Variants in HEATR6 observed in about 807,000 individuals in gnomAD.
The protein encoded by HEATR6 is HEAT repeat containing 6.
A neutral mutation model predicts 132.8 loss-of-function variants in HEATR6; 106 were observed. The ratio of observed to expected loss-of-function variants is 0.80; its 90% CI spans 0.68 to 0.94. The LOEUF is 0.94. Ranked by LOEUF, HEATR6 falls within the 40% of genes least tolerant of loss-of-function variation. The probability of loss-of-function intolerance (pLI) is 0.00; values close to 1 mark genes in which losing one functional copy is unlikely to be tolerated. For synonymous variants in HEATR6, 529 were observed against 537.8 expected, an observed-to-expected ratio of 0.98 and a Z score of 0.23; for missense variants, 1,339 against 1,425.1, an observed-to-expected ratio of 0.94 and a Z score of 0.97.
chr17:60,055,979 T>A (rs1906731547), intron 13 of HEATR6, 136 bp downstream of exon 13: 1 of 1,072,850 alleles, frequency 9.3e-7, no homozygotes, highest in Non-Finnish European at 1.3e-6. Context: ...ACCTGAAATC[T>A]CTTTAAGAAA....
At position 60,048,982 on chromosome 17, in the gene HEATR6, TAATA is replaced by T. The variant is rs1174439308; in HGVS notation, c.2547+594_2548-595del. ...ATTAAAAATAAATAACATATATATA[TAATA>T]TATATATATATATATATATATATAT... On this transcript the variant is annotated intron_variant, in intron 16 of 19. Coordinates refer to ENST00000184956, the MANE Select transcript of HEATR6 (RefSeq NM_022070.5). Among the ~76,000 whole-genome samples the T allele has an allele frequency of 1.1e-4, 6 of 53,326 alleles. No individual in the cohort carries two copies. The East Asian group carries it at 3.1e-3, about 28-fold the overall frequency. 35.0% of individuals were successfully genotyped at this position (53,326 alleles called of 152,430 possible).
intron 6 of HEATR6, among the ~76,000 whole-genome samples, chr17:60,070,210 C>T (rs1172189788): frequency 6.6e-6 from 1 of 152,148 alleles, no homozygotes; most frequent in Admixed American, 6.5e-5. Context: ...AGCTATCTCT[C>T]TATTTGATGT....
intron 11 of HEATR6, among the ~76,000 whole-genome samples, 175 bp downstream of exon 11, chr17:60,059,247 G>A (rs1906853333): frequency 6.6e-6 from 1 of 152,172 alleles, no homozygotes; most frequent in Non-Finnish European, 1.5e-5. Flanking sequence ...TGGGACTTGA[G>A]GGGTCAATTC....
chr17:60,071,753 A>G (rs919011574), intron 5 of HEATR6, among the ~76,000 whole-genome samples: 4 of 152,256 alleles, frequency 2.6e-5, no homozygotes, highest in Non-Finnish European at 5.9e-5. Flanking sequence ...ACACAGCACA[A>G]ATTGTCTTCA....
rs780904459 is a variant in HEATR6, at chr17:60,044,056, A to C, written c.3053T>G (p.Ile1018Ser). ...GACGGAAAGGGCAGCTGCAGATCTG[A>C]TGCGCACTTTGAAGTTCTTGCATGA... ...VTSCKNFKVR[I>S]RSAAALSVPG... Residue 1018 changes from isoleucine to serine, a missense_variant, in exon 20 of 20, where the codon ATC becomes AGC. Ile to Ser is a moderately radical substitution (Grantham distance 142). Coordinates refer to ENST00000184956, the MANE Select transcript of HEATR6 (RefSeq NM_022070.5). The C allele has an allele frequency of 5.0e-6, 8 of 1,614,070 alleles. No individual in the cohort carries two copies. Among genetic ancestry groups the C allele is most frequent in the Middle Eastern group, 3.3e-4 (2 of 6,084 alleles).
At chr17:60,045,895 G>T (rs2145178308) in intron 19 of HEATR6, 130 bp downstream of exon 19, 1 of 660,790 alleles carries the variant, frequency 1.5e-6, no homozygotes, top group Admixed American at 2.6e-5. Context: ...CCCTAAACTT[G>T]TCTTCAGTAT....
rs765767873 is a variant in HEATR6, at chr17:60,076,235, G to A, written c.222C>T (p.Asp74=). 1.5e-5 allele frequency: 24 copies of A among 1,574,532 alleles called. 1 individual carries two copies. The highest frequency in any genetic ancestry group is 5.6e-5 in the South Asian group (5 of 88,954). The change falls in exon 2 of 20, where the codon GAC becomes GAT. Residue 74 remains aspartate (D), a splice_region_variant and synonymous_variant. Coordinates refer to ENST00000184956, the MANE Select transcript of HEATR6 (RefSeq NM_022070.5). ...AAGCCTGGACAAGAAGAGCACTAAC[G>A]TCCTACCAAAAAAAAAAAGATAAGA... ...YSEGSGVAPE[D]VSALLVQACR...
intron 9 of HEATR6, among the ~76,000 whole-genome samples, chr17:60,062,561 T>C (rs547549284): frequency 2.0e-5 from 3 of 152,228 alleles, no homozygotes; most frequent in Non-Finnish European, 2.9e-5. Context: ...TCTCAGAATA[T>C]TTCTGGAAGG....
At chr17:60,068,682 CA>C (rs1435161195) in intron 7 of HEATR6, among the ~76,000 whole-genome samples, 1 of 151,710 alleles carries the variant, frequency 6.6e-6, no homozygotes, top group Non-Finnish European at 1.5e-5. Context: ...TATATACTCT[CA>C]TTCTCTATGT....
intron 9 of HEATR6, chr17:60,063,880 T>C (rs1334464504): frequency 6.6e-6 from 1 of 152,228 alleles, no homozygotes; most frequent in African/African-American, 2.4e-5. Flanking sequence ...AAGGAGCACC[T>C]GAGATGACCA....
At position 60,056,185 on chromosome 17, in the gene HEATR6, A is replaced by G. The variant is rs1906738891; in HGVS notation, c.2132T>C (p.Met711Thr). Residue 711 changes from methionine to threonine, a missense_variant, in exon 13 of 20, where the codon ATG becomes ACG. By Grantham distance (81) the Met-to-Thr change is moderately conservative (BLOSUM62 -1). Coordinates refer to ENST00000184956, the MANE Select transcript of HEATR6 (RefSeq NM_022070.5). ...CTTGCAAATCACCTCTCCAAGCTCC[A>G]TCAAGTAGGCTTGAGTCATTGAAAA... ...GYFSMTQAYLMELGEVICKCM... is the reference protein window; with the variant it reads ...GYFSMTQAYLTELGEVICKCM... 2 of 1,613,952 alleles carry G rather than the reference A, an allele frequency of 1.2e-6. No individual in the cohort carries two copies. Among genetic ancestry groups the G allele is most frequent in the African/African-American group, 1.3e-5 (1 of 74,934 alleles).
chr17:60,065,795 T>G (rs1164621613), intron 9 of HEATR6, among the ~76,000 whole-genome samples: 1 of 152,236 alleles, frequency 6.6e-6, no homozygotes, highest in East Asian at 1.9e-4. Flanking sequence ...TTTTGGGCAT[T>G]TTTCTAAGCC....
chr17:60,053,599 T>C (rs886961678), intron 14 of HEATR6, among the ~76,000 whole-genome samples: 9 of 152,130 alleles, frequency 5.9e-5, no homozygotes, highest in African/African-American at 1.9e-4. Flanking sequence ...CTGATAGAAA[T>C]ATGGAGAGTG....
chr17:60,067,491 A>T lies in HEATR6; in HGVS notation c.1181T>A (p.Val394Asp). Reference sequence around the variant, plus strand: ...AGAAAAGTCTGACTCACTACTGCTGACCCTTTTCCAACTGGAAGAACTGAA... The same window carrying T: ...AGAAAAGTCTGACTCACTACTGCTGTCCCTTTTCCAACTGGAAGAACTGAA... The part of the protein sequence containing the change: ...SSFSSSSWKR[V>D]SSSESDFSDA... The change falls in exon 8 of 20, where the codon GTC becomes GAC. Residue 394 changes from valine (V) to aspartate (D), a missense_variant. Transcript: ENST00000184956. The T allele has an allele frequency of 1.9e-6, 3 of 1,604,460 alleles. No homozygotes were observed. The highest frequency in any genetic ancestry group is 2.6e-6 in the Non-Finnish European group (3 of 1,176,448).
At chr17:60,075,900 G>A (rs1450073121) in intron 2 of HEATR6, 1 of 298,246 alleles carries the variant, frequency 3.4e-6, no homozygotes, top group East Asian at 6.0e-5. Context: ...TTGGTTTACT[G>A]AACCAAACAG....
At chr17:60,073,923 T>G (rs1388158548) in intron 2 of HEATR6, 37 bp from the exon 3 acceptor site, 2 of 1,596,410 alleles carry the variant, frequency 1.3e-6, no homozygotes, top group African/African-American at 1.4e-5. Context: ...TGATCTAACT[T>G]TTAAAAAATA....
chr17:60,076,076 T>C lies in HEATR6; in HGVS notation c.327+54A>G, dbSNP rs981224854. ...CTACAGATGTAGTATTTCAAAGGTA[T>C]TTACTTACTCTCAAAGTTCATGATC... On this transcript the variant is annotated intron_variant, in intron 2 of 19. Coordinates refer to ENST00000184956, the MANE Select transcript of HEATR6 (RefSeq NM_022070.5). The C allele has an allele frequency of 3.5e-5, 37 of 1,060,706 alleles. No homozygotes were observed. The African/African-American group carries it at 5.4e-4, about 16-fold the overall frequency. 65.7% of individuals were successfully genotyped at this position (1,060,706 alleles called of 1,614,324 possible).
At chr17:60,055,965 C>G in intron 13 of HEATR6, 150 bp downstream of exon 13, 1 of 926,622 alleles carries the variant, frequency 1.1e-6, no homozygotes, top group Non-Finnish European at 1.6e-6. Context: ...TGCATGTCCT[C>G]CTTACCTGAA....
intron 11 of HEATR6, among the ~76,000 whole-genome samples, chr17:60,058,492 T>C (rs1906826464): frequency 6.6e-6 from 1 of 152,206 alleles, no homozygotes; most frequent in Non-Finnish European, 1.5e-5. Context: ...GCAGGGGTTG[T>C]TCTCATCTTA....
Sources: gnomAD v4.1 joint callset for allele counts (sites outside exome capture counted in the v4.1 genomes callset) on GRCh38, gnomAD v4.1.1 for gene constraint, MANE v1.5 for transcripts, NCBI Gene and HGNC (gene_info 2026-07-23, HGNC 2026-07-21) for gene names.